Variants in ANK3 observed in about 807,000 individuals in gnomAD.
ANK3 encodes the protein ankyrin-3.
ANK3 carries 57 observed loss-of-function variants against 370.9 expected under a neutral mutation model. That is an observed-to-expected ratio of 0.15 (90% confidence interval 0.12 to 0.19). The LOEUF is 0.19. ANK3 is among the 10% of genes least tolerant of loss of function. The pLI is 1.00. For missense variants in ANK3, 4,439 were observed against 5,302.1 expected, an observed-to-expected ratio of 0.84 and a Z score of 5.06; for synonymous variants, 1,929 against 1,946.3, an observed-to-expected ratio of 0.99 and a Z score of 0.23.
chr10:60,266,340 T>TG (rs2097879077), intron 5 of ANK3, among the ~76,000 whole-genome samples: 6 of 152,184 alleles, frequency 3.9e-5, no homozygotes, highest in African/African-American at 1.4e-4. Flanking sequence ...TAGGGAAAAT[T>TG]AACAGAGATT....
At chr10:60,477,515 A>T (rs1369574730) in intron 2 of ANK3, among the ~76,000 whole-genome samples, 16 of 120,242 alleles carry the variant, frequency 1.3e-4, no homozygotes, top group Non-Finnish European at 7.3e-5. Flanking sequence ...ACAGACAGAC[A>T]TACACACACA....
At chr10:60,567,122 A>C (rs1035860046) in intron 2 of ANK3, among the ~76,000 whole-genome samples, 12 of 152,242 alleles carry the variant, frequency 7.9e-5, no homozygotes, top group African/African-American at 2.9e-4. Context: ...AAACTGATGA[A>C]GGTGGTTACA....
At chr10:60,346,491 A>G (rs1381819843) in intron 1 of ANK3, among the ~76,000 whole-genome samples, 1 of 152,144 alleles carries the variant, frequency 6.6e-6, no homozygotes, top group Admixed American at 6.5e-5. Flanking sequence ...GATAAAAACA[A>G]TATTATTTTT....
At chr10:60,698,304 G>A (rs1481699560) in intron 1 of ANK3, among the ~76,000 whole-genome samples, 1 of 150,524 alleles carries the variant, frequency 6.6e-6, no homozygotes, top group African/African-American at 2.5e-5. Context: ...ACTGTTGGTG[G>A]GACTGTAAAC....
intron 2 of ANK3, among the ~76,000 whole-genome samples, chr10:60,588,314 G>A (rs184473904): frequency 7.1e-5 from 8 of 112,306 alleles, no homozygotes; most frequent in Non-Finnish European, 4.1e-5. Flanking sequence ...CCTCCCAACC[G>A]GCTGGCATTA....
At chr10:60,080,423 AG>A in intron 36 of ANK3, 113 bp downstream of exon 36, 1 of 884,614 alleles carries the variant, frequency 1.1e-6, no homozygotes. Context: ...GTTTTCCTGC[AG>A]GCAATTTTTC....
At chr10:60,440,946 T>A (rs547915374) in intron 2 of ANK3, among the ~76,000 whole-genome samples, 3 of 152,174 alleles carry the variant, frequency 2.0e-5, no homozygotes, top group African/African-American at 7.2e-5. Flanking sequence ...AGTTTTAAAA[T>A]ACTGAGTTTG....
In ANK3 at chr10:60,031,024, T is replaced by C. The variant is rs916552856; in HGVS notation, c.*20-1198A>G. Among the ~76,000 whole-genome samples, 6 of 152,146 alleles carry C rather than the reference T, an allele frequency of 3.9e-5. 1 individual carries two copies. The South Asian group carries it at 1.2e-3, about 32-fold the overall frequency. On this transcript the variant is annotated intron_variant, in intron 43 of 43. Coordinates refer to ENST00000280772, the MANE Select transcript of ANK3 (RefSeq NM_020987.5). ...CCCTAAATATCAAAATGTAAGAAGT[T>C]TGGGACTTCCATGAGCAGAAAGGGC...
chr10:60,192,082 A>AG, intron 16 of ANK3, among the ~76,000 whole-genome samples: 1 of 151,782 alleles, frequency 6.6e-6, no homozygotes, highest in East Asian at 2.0e-4. Flanking sequence ...TTAGTAGAGA[A>AG]GGGGTTTCAC....
chr10:60,536,488 A>T (rs1355465729), intron 2 of ANK3, among the ~76,000 whole-genome samples: 1 of 152,106 alleles, frequency 6.6e-6, no homozygotes, highest in Non-Finnish European at 1.5e-5. Flanking sequence ...ACATGGAAAC[A>T]TTGCCTTCAT....
chr10:60,157,395 T>C (rs2095366282), intron 23 of ANK3, among the ~76,000 whole-genome samples: 2 of 150,466 alleles, frequency 1.3e-5, no homozygotes, highest in African/African-American at 4.9e-5. Context: ...AGTGTAGTGG[T>C]GCAATCACAG....
upstream of ANK3, among the ~76,000 whole-genome samples, chr10:60,394,328 T>C (rs928029632): frequency 1.6e-4 from 25 of 152,092 alleles, no homozygotes; most frequent in Admixed American, 5.2e-4. Context: ...AGATGAGACA[T>C]ATGAAGTTCT....
chr10:60,415,038 G>C (rs1277253143), intron 2 of ANK3, among the ~76,000 whole-genome samples: 3 of 152,190 alleles, frequency 2.0e-5, no homozygotes. Context: ...ACGCCTGGGG[G>C]AATCTCCATG....
intron 2 of ANK3, among the ~76,000 whole-genome samples, chr10:60,437,256 G>A (rs1238364496): frequency 2.0e-5 from 3 of 152,122 alleles, no homozygotes; most frequent in South Asian, 4.1e-4. Context: ...CAACAGATGG[G>A]GTGGGATTTC....
chr10:60,118,712 C>T (rs1386298268), intron 25 of ANK3, among the ~76,000 whole-genome samples: 1 of 151,984 alleles, frequency 6.6e-6, no homozygotes, highest in Non-Finnish European at 1.5e-5. Flanking sequence ...ACTGGGGAGC[C>T]TAAGGTTATT....
intron 1 of ANK3, among the ~76,000 whole-genome samples, chr10:60,382,154 C>T (rs562996335): frequency 1.1e-4 from 17 of 152,256 alleles, no homozygotes; most frequent in African/African-American, 3.6e-4. Flanking sequence ...GCCTCAGTGT[C>T]TCTGACTTTC....
At chr10:60,218,991 T>C (rs904237309) in intron 8 of ANK3, among the ~76,000 whole-genome samples, 3 of 151,984 alleles carry the variant, frequency 2.0e-5, no homozygotes, top group Non-Finnish European at 4.4e-5. Context: ...TCATTCCTTT[T>C]ACTCTAGTCT....
intron 11 of ANK3, 39 bp downstream of exon 11, chr10:60,205,753 C>T: frequency 6.9e-7 from 1 of 1,447,116 alleles, no homozygotes; most frequent in South Asian, 1.1e-5. Flanking sequence ...GCTATACTCT[C>T]AGTATCTCAG....
At position 60,227,967 on chromosome 10, in the gene ANK3, T is replaced by C. The variant is rs567497348; in HGVS notation, c.897+6721A>G. ...ATTACATACTGGGTATTATGTATGA[T>C]ATGTTATAAATAATTTGGAACTTAC... On this transcript the variant is annotated intron_variant, in intron 8 of 43. Transcript: ENST00000280772. 1.1e-4 allele frequency among the ~76,000 whole-genome samples: 16 copies of C among 152,288 alleles called. No homozygotes were observed. In the South Asian group the frequency reaches 1.7e-3, roughly 16 times the overall value.
Sources: gnomAD v4.1 joint callset for allele counts (sites outside exome capture counted in the v4.1 genomes callset) on GRCh38, gnomAD v4.1.1 for gene constraint, MANE v1.5 for transcripts, NCBI Gene and HGNC (gene_info 2026-07-23, HGNC 2026-07-21) for gene names.